BLM: variants seen among roughly 807,000 people sequenced by gnomAD.
BLM encodes the protein BLM RecQ like helicase.
A neutral mutation model predicts 135.3 loss-of-function variants in BLM; 95 were observed. The ratio of observed to expected loss-of-function variants is 0.70; its 90% CI spans 0.59 to 0.83. BLM has a LOEUF of 0.83. Among genes scored for constraint, BLM ranks in the 40% least tolerant of loss-of-function variants. The pLI is 0.00. For synonymous variants in BLM, 520 were observed against 589.2 expected (o/e 0.88, Z 1.70); for missense variants, 1,518 against 1,663.9 (o/e 0.91, Z 1.53).
chr15:90,732,221 T>C (rs1895087428), intron 1 of BLM, among the ~76,000 whole-genome samples: 1 of 152,108 alleles, frequency 6.6e-6, no homozygotes, highest in Admixed American at 6.6e-5. Context: ...TTCTTGATTT[T>C]CAATACAAAG....
intron 17 of BLM, among the ~76,000 whole-genome samples, chr15:90,802,000 G>A (rs1283861035): frequency 6.6e-6 from 1 of 152,038 alleles, no homozygotes; most frequent in Non-Finnish European, 1.5e-5. Context: ...AGGTGGCAGT[G>A]AGCTGTGATC....
At chr15:90,777,400 G>A (rs1048479206) in intron 12 of BLM, among the ~76,000 whole-genome samples, 4 of 152,130 alleles carry the variant, frequency 2.6e-5, no homozygotes, top group African/African-American at 4.8e-5. Flanking sequence ...TGATCTGCCC[G>A]CCTCGGCCTC....
In BLM at chr15:90,815,058, T is replaced by C. The variant is rs778552702; in HGVS notation, c.4077-44T>C. ...GGTTGAGAGGAAGGTCATTCATTTTTGGTTTCATTTAACATTTTGATTTTT... is the reference window on the plus strand; with the variant it reads ...GGTTGAGAGGAAGGTCATTCATTTTCGGTTTCATTTAACATTTTGATTTTT... On this transcript the variant is annotated intron_variant, in intron 21 of 21. Transcript: ENST00000355112. This position sits in a 1 kb window ranked among gnomAD's most constrained non-coding sequence, Gnocchi z 4.6. 6.3e-7 allele frequency: 1 copy of C among 1,593,072 alleles called. No homozygotes were observed. The highest frequency in any genetic ancestry group is 8.6e-7 in the Non-Finnish European group (1 of 1,164,372).
chr15:90,785,110 A>G, intron 14 of BLM, 29 bp downstream of exon 14: 1 of 1,600,666 alleles, frequency 6.2e-7, no homozygotes, highest in Non-Finnish European at 8.5e-7. Flanking sequence ...AACAAATAAT[A>G]GAAATAATCT....
At chr15:90,766,502 A>G (rs1051858572) in intron 9 of BLM, among the ~76,000 whole-genome samples, 2 of 152,106 alleles carry the variant, frequency 1.3e-5, no homozygotes, top group Non-Finnish European at 2.9e-5. Context: ...ACCTTGGCTC[A>G]CTGCAACCTC....
At chr15:90,784,286 T>G (rs1205072547) in intron 13 of BLM, among the ~76,000 whole-genome samples, 1 of 151,698 alleles carries the variant, frequency 6.6e-6, no homozygotes, top group Non-Finnish European at 1.5e-5. Flanking sequence ...TGATACATAC[T>G]GCCATATGCT....
chr15:90,732,230 AG>A (rs1895087648), intron 1 of BLM, among the ~76,000 whole-genome samples: 1 of 152,162 alleles, frequency 6.6e-6, no homozygotes, highest in African/African-American at 2.4e-5. Flanking sequence ...TTCAATACAA[AG>A]GGATTTTCTA....
chr15:90,810,753 T>G (rs780890142), intron 20 of BLM, among the ~76,000 whole-genome samples: 2 of 152,214 alleles, frequency 1.3e-5, no homozygotes, highest in Non-Finnish European at 2.9e-5. Flanking sequence ...TAAGAAACTA[T>G]TGTTCAAAGA....
In BLM at chr15:90,734,877, CAATT is replaced by C. The variant is rs1284583846; in HGVS notation, c.-4-12510_-4-12507del. The stretch of plus-strand genomic sequence containing the variant: ...GCTTAGCCAATGCAGTTAGATAAAT[CAATT>C]AGAGGCACAAGATTTGGAAAATAAA... On this transcript the variant is annotated intron_variant, in intron 1 of 21. Coordinates refer to ENST00000355112, the MANE Select transcript of BLM (RefSeq NM_000057.4). 3.9e-5 allele frequency among the ~76,000 whole-genome samples: 6 copies of C among 152,022 alleles called. No homozygotes were observed. The East Asian group carries it at 9.6e-4, about 24-fold the overall frequency.
intron 1 of BLM, among the ~76,000 whole-genome samples, chr15:90,729,884 C>G (rs145518794): frequency 6.6e-6 from 1 of 152,160 alleles, no homozygotes; most frequent in Admixed American, 6.5e-5. Context: ...CTCGCTCTAT[C>G]GCCCAGGCTG....
At chr15:90,762,895 A>G in intron 7 of BLM, 71 bp from the exon 8 acceptor site, 1 of 1,395,732 alleles carries the variant, frequency 7.2e-7, no homozygotes, top group Non-Finnish European at 1.0e-6. Context: ...CTGCAGGGCA[A>G]GGGAAATGCT....
At chr15:90,797,827 G>A (rs28385117) in intron 16 of BLM, among the ~76,000 whole-genome samples, 15,853 of 152,196 alleles carry the variant, frequency 0.1, 1,493 homozygotes, top group African/African-American at 0.25. Context: ...GTTAGAATCC[G>A]TGGATTTACG....
At chr15:90,769,710 A>G (rs1896252430) in intron 12 of BLM, 124 bp downstream of exon 12, 8 of 1,187,094 alleles carry the variant, frequency 6.7e-6, no homozygotes, top group African/African-American at 4.9e-5. Flanking sequence ...CCCATGCCCA[A>G]GTTGTAACCC....
intron 14 of BLM, 111 bp from the exon 15 acceptor site, chr15:90,790,537 AG>A: frequency 1.0e-6 from 1 of 978,498 alleles, no homozygotes; most frequent in Non-Finnish European, 1.6e-6. Context: ...GTTGTTATGT[AG>A]TGTGCATTTT....
At chr15:90,749,272 TA>T in intron 2 of BLM, 94 bp from the exon 3 acceptor site, 1 of 849,876 alleles carries the variant, frequency 1.2e-6, no homozygotes, top group Non-Finnish European at 1.8e-6. Context: ...ACAATTAATG[TA>T]ACCTGTGTGA....
rs1567045340 is a variant in BLM, at chr15:90,769,420, A to G, written c.2407-18A>G. On this transcript the variant is annotated intron_variant, in intron 11 of 21. Transcript: ENST00000355112. Reference sequence around the variant, plus strand: ...AGCTCCAAGTAGTCTGAAAAGCAGTATTTTTTTTTCCAACTAGTGGGGACA... The same window carrying G: ...AGCTCCAAGTAGTCTGAAAAGCAGTGTTTTTTTTTCCAACTAGTGGGGACA... 6.2e-7 allele frequency: 1 copy of G among 1,606,618 alleles called. No individual in the cohort carries two copies. Among genetic ancestry groups the G allele is most frequent in the Admixed American group, 1.7e-5 (1 of 59,874 alleles).
At position 90,728,404 on chromosome 15, in the gene BLM, A is replaced by G. The variant is rs1449876062; in HGVS notation, c.-5+10964A>G. Among the ~76,000 whole-genome samples the G allele has an allele frequency of 3.3e-5, 5 of 151,712 alleles. No homozygotes were observed. In the East Asian group the frequency reaches 9.8e-4, roughly 30 times the overall value. The stretch of plus-strand genomic sequence containing the variant: ...TTTTTAGGTATATATTATTTTCTTT[A>G]AATTTTTTTTGAGACAGGGTCTCAC... On this transcript the variant is annotated intron_variant, in intron 1 of 21. Transcript: ENST00000355112.
intron 3 of BLM, 25 bp from the exon 4 acceptor site, chr15:90,751,762 A>T (rs1226092967): frequency 1.3e-6 from 2 of 1,596,042 alleles, no homozygotes; most frequent in Middle Eastern, 3.3e-4. Flanking sequence ...TAACAAATCT[A>T]TGTTTATCAA....
intron 12 of BLM, among the ~76,000 whole-genome samples, chr15:90,774,116 C>G (rs1252532629): frequency 6.8e-6 from 1 of 146,210 alleles, no homozygotes; most frequent in Admixed American, 6.9e-5. Context: ...ACTCTGTCAC[C>G]CAGGCTGGAG....
Sources: allele counts gnomAD v4.1 joint callset (sites outside exome capture counted in the v4.1 genomes callset), GRCh38; gene constraint gnomAD v4.1.1; non-coding constraint Gnocchi (gnomAD v3.1); transcripts MANE v1.5; gene names NCBI Gene and HGNC (gene_info 2026-07-23, HGNC 2026-07-21).